STOX2: variants seen among roughly 807,000 people sequenced by gnomAD.
STOX2 encodes the protein storkhead box 2.
STOX2 carries 28 observed loss-of-function variants against 60.9 expected under a neutral mutation model. The ratio of observed to expected loss-of-function variants is 0.46; its 90% CI spans 0.34 to 0.63. The LOEUF is 0.63. Ranked by LOEUF, STOX2 falls within the 30% of genes least tolerant of loss-of-function variation. The pLI is 0.01. For missense variants in STOX2, 1,024 were observed against 1,187.7 expected (o/e 0.86, Z 2.03); for synonymous variants, 472 against 463.9 (o/e 1.02, Z -0.22).
At chr4:183,972,131 G>A (rs771086194) in intron 1 of STOX2, among the ~76,000 whole-genome samples, 10 of 152,216 alleles carry the variant, frequency 6.6e-5, no homozygotes, top group Non-Finnish European at 1.3e-4. Context: ...GCACAGCGGC[G>A]TAGGGCTGGG....
At chr4:183,858,699 A>G (rs1401298970) in intron 1 of STOX2, among the ~76,000 whole-genome samples, 1 of 152,182 alleles carries the variant, frequency 6.6e-6, no homozygotes, top group Non-Finnish European at 1.5e-5. Context: ...ATCCCTCTAG[A>G]CTTTTTCCCG....
chr4:183,803,789 C>A (rs997317881), intron 1 of STOX2, among the ~76,000 whole-genome samples: 2 of 152,068 alleles, frequency 1.3e-5, no homozygotes, highest in Non-Finnish European at 2.9e-5. Flanking sequence ...ATGGTGAAAC[C>A]CTGTCTCTAC....
intron 1 of STOX2, among the ~76,000 whole-genome samples, chr4:183,874,652 C>A (rs553847291): frequency 1.3e-5 from 2 of 151,494 alleles, no homozygotes; most frequent in African/African-American, 4.9e-5. Context: ...ATTGGCCGGG[C>A]GCGGTGGCTC....
At chr4:183,837,595 A>T (rs1242161962) in intron 1 of STOX2, among the ~76,000 whole-genome samples, 2 of 151,898 alleles carry the variant, frequency 1.3e-5, no homozygotes, top group South Asian at 2.1e-4. Flanking sequence ...CGTAGCTGGG[A>T]TTACAGACGT....
chr4:183,818,531 A>G (rs1474078495), intron 1 of STOX2, among the ~76,000 whole-genome samples: 2 of 152,196 alleles, frequency 1.3e-5, no homozygotes, highest in African/African-American at 2.4e-5. Context: ...TGATTTCTCT[A>G]TCTTTTCCCC....
At chr4:183,965,036 C>T (rs73008315) in intron 1 of STOX2, among the ~76,000 whole-genome samples, 1,638 of 152,340 alleles carry the variant, frequency 0.011, 41 homozygotes, top group African/African-American at 0.037. Flanking sequence ...TTTCCTCTTT[C>T]AATCAGCATA....
chr4:183,812,408 A>G (rs1012189523), intron 1 of STOX2, among the ~76,000 whole-genome samples: 1 of 152,236 alleles, frequency 6.6e-6, no homozygotes, highest in Admixed American at 6.5e-5. Flanking sequence ...ATACCTTTAA[A>G]AATGTCTATG....
chr4:183,912,058 A>C (rs1474548634), intron 1 of STOX2, among the ~76,000 whole-genome samples: 3 of 152,162 alleles, frequency 2.0e-5, no homozygotes, highest in African/African-American at 4.8e-5. Context: ...GGCGTGTGCA[A>C]CCAGTCAGTC....
At chr4:183,813,479 A>G (rs567284171) in intron 1 of STOX2, among the ~76,000 whole-genome samples, 2 of 152,346 alleles carry the variant, frequency 1.3e-5, no homozygotes, top group African/African-American at 4.8e-5. Flanking sequence ...AGAATCTGGA[A>G]GGATGTGAGT....
intron 1 of STOX2, among the ~76,000 whole-genome samples, chr4:183,939,049 G>C (rs1742676425): frequency 6.6e-6 from 1 of 152,202 alleles, no homozygotes; most frequent in Non-Finnish European, 1.5e-5. Flanking sequence ...ACTGTTTTCA[G>C]ATTTTGGACT....
intron 1 of STOX2, among the ~76,000 whole-genome samples, chr4:183,907,575 G>A (rs1168313014): frequency 6.6e-6 from 1 of 152,238 alleles, no homozygotes; most frequent in Non-Finnish European, 1.5e-5. Flanking sequence ...TGGAAAGAAT[G>A]GAGGCTGTAT....
At chr4:183,831,259 A>G (rs1739561229) in intron 1 of STOX2, among the ~76,000 whole-genome samples, 1 of 152,256 alleles carries the variant, frequency 6.6e-6, no homozygotes, top group Admixed American at 6.5e-5. Flanking sequence ...ACACACCCAC[A>G]GAAATTGCAC....
chr4:183,903,190 G>T (rs978113336), upstream of STOX2, among the ~76,000 whole-genome samples: 1 of 152,144 alleles, frequency 6.6e-6, no homozygotes, highest in Non-Finnish European at 1.5e-5. Flanking sequence ...ACCATGGCCT[G>T]CAAGTTCCGG....
chr4:183,995,310 TTTTTTTTTTTTTTGC>T (rs771438976), intron 1 of STOX2, among the ~76,000 whole-genome samples: 2 of 112,360 alleles, frequency 1.8e-5, no homozygotes, highest in African/African-American at 6.7e-5. Context: ...TTTTTTTTTT[TTTTTTTTTTTTTTGC>T]ACAAATAGAA....
chr4:183,880,145 A>C (rs892088498), intron 1 of STOX2, among the ~76,000 whole-genome samples: 3 of 151,820 alleles, frequency 2.0e-5, no homozygotes, highest in Non-Finnish European at 4.4e-5. Context: ...TGCCCAGCTA[A>C]TTTTTGTATT....
chr4:183,830,514 T>A (rs1261408673), intron 1 of STOX2, among the ~76,000 whole-genome samples: 1 of 152,144 alleles, frequency 6.6e-6, no homozygotes, highest in Non-Finnish European at 1.5e-5. Context: ...AGGGTTCTTA[T>A]CCTTTGACCT....
rs1453012465 is a variant in STOX2 at position 183,906,701 on chromosome 4, G to A, written c.-90G>A. ...GGGAAAATGTGCGCAGAGTCCGCCC[G>A]GGTCGTGCCCGCCGTAGACGGATGA... is the stretch of plus-strand genomic sequence containing the variant. On this transcript the variant is annotated 5_prime_UTR_variant, in exon 1 of 4. Transcript: ENST00000308497. 4.4e-6 allele frequency: 6 copies of A among 1,352,958 alleles called. No homozygotes were observed. The highest frequency in any genetic ancestry group is 5.9e-6 in the Non-Finnish European group (6 of 1,020,074). 83.8% of individuals were successfully genotyped at this position (1,352,958 alleles called of 1,614,324 possible).
At chr4:184,007,045 A>AAAAAAAAAAAAC (rs1553987519) in intron 2 of STOX2, among the ~76,000 whole-genome samples, 7 of 118,470 alleles carry the variant, frequency 5.9e-5, no homozygotes, top group East Asian at 2.5e-4. Flanking sequence ...AAACAAAAAA[A>AAAAAAAAAAAAC]AAATTTTGTT....
Position 184,023,339 on chromosome 4 carries a change from A to AATG in STOX2, c.*6061_*6063dup, listed in dbSNP as rs1734661604. On this transcript the variant is annotated 3_prime_UTR_variant, in exon 4 of 4. Transcript: ENST00000308497. ...TATCGTGTCAGTGTACCATACTGTA[A>AATG]ATGATGATTACTTGTCATGCTTAGT... The AATG allele has an allele frequency of 6.6e-6, 1 of 152,190 alleles. No homozygotes were observed. Among genetic ancestry groups the AATG allele is most frequent in the African/African-American group, 2.4e-5 (1 of 41,436 alleles). 9.4% of individuals were successfully genotyped at this position (152,190 alleles called of 1,614,324 possible).
Sources: gnomAD v4.1 joint callset for allele counts (sites outside exome capture counted in the v4.1 genomes callset) on GRCh38, gnomAD v4.1.1 for gene constraint, MANE v1.5 for transcripts, NCBI Gene and HGNC (gene_info 2026-07-23, HGNC 2026-07-21) for gene names.